Variants in DNAI4 observed in about 807,000 individuals in gnomAD.
DNAI4 encodes WD repeat domain 78.
DNAI4 carries 85 observed loss-of-function variants against 105.8 expected under a neutral mutation model. The ratio of observed to expected loss-of-function variants is 0.80; its 90% CI spans 0.67 to 0.96. The LOEUF (loss-of-function observed/expected upper bound fraction) is 0.96, where lower values mean the gene tolerates loss of function less well. Among genes scored for constraint, DNAI4 ranks in the 40% least tolerant of loss-of-function variants. The pLI is 0.00. For synonymous variants in DNAI4, 352 were observed against 331.5 expected, an observed-to-expected ratio of 1.06 and a Z score of -0.67; for missense variants, 1,014 against 1,005.6, an observed-to-expected ratio of 1.01 and a Z score of -0.11.
At chr1:66,903,348 G>A (rs983637936) in intron 2 of DNAI4, among the ~76,000 whole-genome samples, 2 of 152,192 alleles carry the variant, frequency 1.3e-5, no homozygotes, top group Middle Eastern at 3.4e-3. Context: ...TTCATTGTTA[G>A]AAATGCAACT....
chr1:66,833,806 GC>G (rs1406214398), intron 12 of DNAI4, 100 bp from the exon 13 acceptor site: 8 of 1,461,244 alleles, frequency 5.5e-6, no homozygotes, highest in Non-Finnish European at 6.4e-6. Context: ...TATTAGTTCT[GC>G]CAACTTTTGC....
intron 6 of DNAI4, among the ~76,000 whole-genome samples, chr1:66,864,845 A>T (rs960140883): frequency 6.6e-6 from 1 of 152,160 alleles, no homozygotes; most frequent in Non-Finnish European, 1.5e-5. Flanking sequence ...TGTCTCAAAA[A>T]AGAGCAAGGT....
At chr1:66,827,575 CAA>C in intron 14 of DNAI4, among the ~76,000 whole-genome samples, 1 of 152,042 alleles carries the variant, frequency 6.6e-6, no homozygotes, top group African/African-American at 2.4e-5. Context: ...TTATCATAAG[CAA>C]AGTCTTTTAG....
chr1:66,840,322 C>T (rs1646122103), intron 9 of DNAI4, 147 bp downstream of exon 9: 7 of 693,428 alleles, frequency 1.0e-5, no homozygotes, highest in Non-Finnish European at 1.7e-5. Context: ...TAAACTGGAA[C>T]TTGTTTTAGG....
chr1:66,923,839 G>A (rs1345733658), intron 1 of DNAI4, among the ~76,000 whole-genome samples: 2 of 152,186 alleles, frequency 1.3e-5, no homozygotes, highest in African/African-American at 2.4e-5. Flanking sequence ...GCAGCATTAC[G>A]GGCAGCGCTA....
In DNAI4 at chr1:66,893,313, T is replaced by C; in HGVS notation, c.446A>G (p.Glu149Gly). ...AKPSKLLTSQ[E>G]GSLGSEFISS... ...TATAAATTCTGATCCAAGTGATCCT[T>C]CTTGTGATGTCAAGAGTTTACTTGG... The change falls in exon 3 of 17, where the codon GAA (glutamate) becomes GGA (glycine). Residue 149 changes from glutamate to glycine, a missense_variant. Coordinates refer to ENST00000371026, the MANE Select transcript of DNAI4 (RefSeq NM_024763.5). The C allele has an allele frequency of 1.9e-6, 3 of 1,611,148 alleles. No homozygotes were observed. Among genetic ancestry groups the C allele is most frequent in the Non-Finnish European group, 2.5e-6 (3 of 1,178,458 alleles).
At position 66,813,320 on chromosome 1, in the gene DNAI4, G is replaced by A. The variant is rs1246252880; in HGVS notation, c.*810C>T. On this transcript the variant is annotated 3_prime_UTR_variant, in exon 17 of 17. Transcript: ENST00000371026. Reference sequence around the variant, plus strand: ...ATGGCCTGTTAGCAATGAATATTTGGAGGAGTCACTGCTCCCCATCTCCAC... The same window carrying A: ...ATGGCCTGTTAGCAATGAATATTTGAAGGAGTCACTGCTCCCCATCTCCAC... The A allele has an allele frequency of 6.6e-6, 1 of 152,288 alleles. No individual in the cohort carries two copies. The highest frequency in any genetic ancestry group is 1.9e-4 in the East Asian group (1 of 5,338). The allele number at this position is 152,288 out of a possible 1,614,324, so 9.4% of individuals were successfully genotyped here.
chr1:66,839,924 T>G (rs1646112573), intron 9 of DNAI4, among the ~76,000 whole-genome samples: 2 of 152,196 alleles, frequency 1.3e-5, no homozygotes, highest in Admixed American at 1.3e-4. Context: ...TAGTACCTAA[T>G]TCATAGGGTT....
At chr1:66,855,663 T>C (rs1280570951) in intron 7 of DNAI4, among the ~76,000 whole-genome samples, 2 of 152,082 alleles carry the variant, frequency 1.3e-5, no homozygotes, top group South Asian at 2.1e-4. Flanking sequence ...CAAGAAGACA[T>C]AATAATCTTA....
At chr1:66,859,123 T>G (rs1646569332) in intron 7 of DNAI4, among the ~76,000 whole-genome samples, 1 of 152,090 alleles carries the variant, frequency 6.6e-6, no homozygotes, top group Non-Finnish European at 1.5e-5. Context: ...ATAGGACCCT[T>G]AAAACTCAAT....
intron 7 of DNAI4, among the ~76,000 whole-genome samples, chr1:66,859,396 G>A (rs774958115): frequency 5.3e-5 from 8 of 152,074 alleles, no homozygotes; most frequent in Admixed American, 4.6e-4. Flanking sequence ...TGGTAGTTTC[G>A]TAAAAGGCTA....
intron 11 of DNAI4, among the ~76,000 whole-genome samples, chr1:66,835,193 C>CAGACAGATAGATAGATAGAT (rs148107373): frequency 1.5e-5 from 2 of 136,102 alleles, no homozygotes; most frequent in African/African-American, 2.6e-5. Flanking sequence ...CCTCCTTAGA[C>CAGACAGATAGATAGATAGAT]AGATAGATAG....
chr1:66,833,521 C>T, intron 13 of DNAI4, 64 bp downstream of exon 13: 2 of 1,581,470 alleles, frequency 1.3e-6, no homozygotes, highest in Non-Finnish European at 1.7e-6. Context: ...TGTTTTATGA[C>T]TTAATACACT....
chr1:66,859,495 C>T (rs928016174), intron 7 of DNAI4, among the ~76,000 whole-genome samples: 1 of 152,124 alleles, frequency 6.6e-6, no homozygotes, highest in African/African-American at 2.4e-5. Context: ...AAAACCTGCA[C>T]ATGAATGTTT....
At chr1:66,858,397 G>A (rs1646548796) in intron 7 of DNAI4, among the ~76,000 whole-genome samples, 1 of 151,658 alleles carries the variant, frequency 6.6e-6, no homozygotes, top group Non-Finnish European at 1.5e-5. Context: ...GCCGGGCGTG[G>A]TGGCGGGCAC....
intron 5 of DNAI4, among the ~76,000 whole-genome samples, chr1:66,873,008 C>T (rs1056222925): frequency 4.6e-5 from 7 of 152,150 alleles, no homozygotes; most frequent in Non-Finnish European, 8.8e-5. Context: ...CTACCACACC[C>T]GGCCTGACAG....
Position 66,862,374 on chromosome 1 carries a change from G to A in DNAI4, c.941-72C>T. On this transcript the variant is annotated intron_variant, in intron 6 of 16. Coordinates refer to ENST00000371026, the MANE Select transcript of DNAI4 (RefSeq NM_024763.5). Reference sequence around the variant, plus strand: ...AACATTTTAGCTTTATACATAACTAGTCACAGAAAAAGCTAAGATAAGAAT... The same window carrying A: ...AACATTTTAGCTTTATACATAACTAATCACAGAAAAAGCTAAGATAAGAAT... 3 of 1,459,134 alleles carry A rather than the reference G, an allele frequency of 2.1e-6. No individual in the cohort carries two copies. The South Asian group carries it at 3.8e-5, about 18-fold the overall frequency. The allele number at this position is 1,459,134 out of a possible 1,614,324, so 90.4% of individuals were successfully genotyped here. A position where few individuals can be genotyped will look rare whatever the true frequency, so the allele number is the denominator to read the frequency against.
intron 13 of DNAI4, 142 bp downstream of exon 13, chr1:66,833,443 A>T: frequency 1.0e-6 from 1 of 955,938 alleles, no homozygotes; most frequent in Non-Finnish European, 1.5e-6. Flanking sequence ...AGCCCAGGCA[A>T]TCATTTATCT....
chr1:66,816,416 T>C (rs1645516197), intron 16 of DNAI4, among the ~76,000 whole-genome samples: 1 of 152,142 alleles, frequency 6.6e-6, no homozygotes, highest in Non-Finnish European at 1.5e-5. Flanking sequence ...TAGGTCATAA[T>C]GTTACTTGAC....
Sources: allele counts gnomAD v4.1 joint callset (sites outside exome capture counted in the v4.1 genomes callset), GRCh38; gene constraint gnomAD v4.1.1; transcripts MANE v1.5; gene names NCBI Gene and HGNC (gene_info 2026-07-23, HGNC 2026-07-21).